The following ARID2 variants were observed in gnomAD, a reference collection of about 807,000 sequenced individuals.
The protein encoded by ARID2 is AT-rich interaction domain 2, also known as AT-rich interactive domain-containing protein 2.
Under a neutral mutation model 184.6 loss-of-function variants are expected in ARID2, and 32 were observed. That is an observed-to-expected ratio of 0.17 (90% CI 0.13 to 0.23). ARID2 has a LOEUF of 0.23. ARID2 is among the 10% of genes least tolerant of loss of function. The probability of loss-of-function intolerance (pLI) is 1.00; values close to 1 mark genes in which losing one functional copy is unlikely to be tolerated. For synonymous variants in ARID2, 836 were observed against 772.6 expected, an observed-to-expected ratio of 1.08 and a Z score of -1.36; for missense variants, 1,696 against 2,197.6, an observed-to-expected ratio of 0.77 and a Z score of 4.56.
Position 45,851,329 on chromosome 12 carries a change from G to T in ARID2, c.3206G>T (p.Gly1069Val), listed in dbSNP as rs778465726. The change falls in exon 15 of 21, where the codon GGT becomes GTT. Residue 1069 changes from glycine to valine, a missense_variant. Physicochemically the swap from Gly to Val is moderately radical, Grantham distance 109. Coordinates refer to ENST00000334344, the MANE Select transcript of ARID2 (RefSeq NM_152641.4). ...LIKQLLLPKR[G>V]PSTPGGKLIL... ...AAACAGCTTCTGCTTCCGAAACGTG[G>T]TCCTTCAACACCAGGTGGTAAGCTT... 6.2e-7 allele frequency: 1 copy of T among 1,614,092 alleles called. No individual in the cohort carries two copies. The highest frequency in any genetic ancestry group is 1.1e-5 in the South Asian group (1 of 91,078).
chr12:45,731,088 A>G, intron 2 of ARID2, 129 bp from the exon 3 acceptor site: 1 of 673,846 alleles, frequency 1.5e-6, no homozygotes, highest in South Asian at 1.7e-5. Context: ...ACTCTTACCG[A>G]TCGATCCGAA....
chr12:45,847,317 G>A (rs763689447), intron 12 of ARID2, among the ~76,000 whole-genome samples: 5 of 151,954 alleles, frequency 3.3e-5, no homozygotes, highest in Admixed American at 3.3e-4. Flanking sequence ...CTGACCTTAA[G>A]AAAATAAAAG....
At chr12:45,899,649 TTGGTTATATATATATATATGGTTATATA>T (rs1359567825) in intron 20 of ARID2, among the ~76,000 whole-genome samples, 25 of 73,082 alleles carry the variant, frequency 3.4e-4, no homozygotes, top group African/African-American at 1.3e-3. Context: ...ATATATATAT[TTGGTTATATATATATATATGGTTATATA>T]TGGTTATATA....
Position 45,737,094 on chromosome 12 carries a change from A to G in ARID2, c.284+5780A>G, listed in dbSNP as rs144371050. ...ACTTGTGCTTGGATACTTTCTGTGT[A>G]TTCATTATGTTGTGAATTGATAATT... On this transcript the variant is annotated intron_variant, in intron 3 of 20. Coordinates refer to ENST00000334344, the MANE Select transcript of ARID2 (RefSeq NM_152641.4). 6.6e-5 allele frequency among the ~76,000 whole-genome samples: 10 copies of G among 152,314 alleles called. No homozygotes were observed. In the East Asian group the frequency reaches 1.9e-3, roughly 29 times the overall value.
At chr12:45,873,907 A>G (rs1007372815) in intron 16 of ARID2, 1 of 152,200 alleles carries the variant, frequency 6.6e-6, no homozygotes, top group African/African-American at 2.4e-5. Flanking sequence ...TAGTCATGTC[A>G]ATTTCTTAAA....
At chr12:45,760,204 T>C (rs1941648781) in intron 3 of ARID2, among the ~76,000 whole-genome samples, 1 of 152,178 alleles carries the variant, frequency 6.6e-6, no homozygotes, top group Admixed American at 6.5e-5. Flanking sequence ...CTCTATACTT[T>C]GTGTACAGAG....
intron 3 of ARID2, among the ~76,000 whole-genome samples, chr12:45,741,836 A>C (rs574885309): frequency 1.3e-5 from 2 of 152,290 alleles, no homozygotes; most frequent in Middle Eastern, 3.4e-3. Flanking sequence ...GCTCATTGCT[A>C]CTGGGTTATT....
At position 45,890,849 on chromosome 12, in the gene ARID2, GAGATCTTTGCTGT is replaced by G. The variant is rs1268323595; in HGVS notation, c.4923-923_4923-911del. On this transcript the variant is annotated intron_variant, in intron 16 of 20. Transcript: ENST00000334344. Reference sequence around the variant, plus strand: ...ACAGCCATAAAAAGTCAAATCCTAAGAGATCTTTGCTGTAGATCTTAAAGATATTGATTATGGC... The same window carrying G: ...ACAGCCATAAAAAGTCAAATCCTAAGAGATCTTAAAGATATTGATTATGGC... 3.9e-5 allele frequency among the ~76,000 whole-genome samples: 6 copies of G among 151,994 alleles called. No individual in the cohort carries two copies. In the South Asian group the frequency reaches 1.2e-3, roughly 32 times the overall value.
At chr12:45,846,770 AAT>A (rs1943449831) in intron 11 of ARID2, 84 bp from the exon 12 acceptor site, 1 of 1,209,742 alleles carries the variant, frequency 8.3e-7, no homozygotes, top group Non-Finnish European at 1.2e-6. Context: ...TCATTGTGTT[AAT>A]GGGTTCAATA....
intron 20 of ARID2, among the ~76,000 whole-genome samples, chr12:45,899,257 C>A (rs1944412361): frequency 1.1e-5 from 1 of 93,974 alleles, no homozygotes; most frequent in Admixed American, 1.6e-4. Context: ...GGCGAAAGAG[C>A]AAGACTCTGT....
intron 6 of ARID2, among the ~76,000 whole-genome samples, chr12:45,832,195 T>C (rs1014374317): frequency 6.6e-6 from 1 of 152,144 alleles, no homozygotes; most frequent in South Asian, 2.1e-4. Flanking sequence ...AAACTGTAGG[T>C]TTTAGGGTTT....
chr12:45,771,517 T>A (rs1029126872), intron 3 of ARID2, among the ~76,000 whole-genome samples: 4 of 149,672 alleles, frequency 2.7e-5, no homozygotes, highest in Admixed American at 1.3e-4. Context: ...AAAAAAAAAA[T>A]TTAAAACTAG....
rs144618071 is a variant in ARID2 at position 45,766,164 on chromosome 12, A to G, written c.284+34850A>G. On this transcript the variant is annotated intron_variant, in intron 3 of 20. Transcript: ENST00000334344. ...GTTATATATTGGATATGTTAGGCATATATTTAACTTTTTTTTTTTTTGAGA... is the reference window on the plus strand; with the variant it reads ...GTTATATATTGGATATGTTAGGCATGTATTTAACTTTTTTTTTTTTTGAGA... Among the ~76,000 whole-genome samples the G allele has an allele frequency of 5.4e-3, 825 of 151,972 alleles. 7 individuals are homozygous for G. Among genetic ancestry groups the G allele is most frequent in the African/African-American group, 0.019 (787 of 41,460 alleles).
chr12:45,856,059 CTTCTT>C (rs1565626710), intron 15 of ARID2, among the ~76,000 whole-genome samples: 3 of 128,568 alleles, frequency 2.3e-5, no homozygotes, highest in African/African-American at 2.9e-5. Context: ...CTTTTTCTTT[CTTCTT>C]TTCTTTTTTT....
chr12:45,850,474 C>T lies in ARID2; in HGVS notation c.2351C>T (p.Pro784Leu), dbSNP rs2138162306. Reference sequence around the variant, plus strand: ...CACACAGTGGTACCAGGACAGATCCCTTCAGGCACTCCTGTTACAGTAATT... The same window carrying T: ...CACACAGTGGTACCAGGACAGATCCTTTCAGGCACTCCTGTTACAGTAATT... Reference protein sequence around the residue: ...PLHTVVPGQIPSGTPVTVIQQ... With the variant: ...PLHTVVPGQILSGTPVTVIQQ... Residue 784 changes from proline to leucine, a missense_variant, in exon 15 of 21, where the codon CCT becomes CTT. Coordinates refer to ENST00000334344, the MANE Select transcript of ARID2 (RefSeq NM_152641.4). 1 of 1,614,014 alleles carries T rather than the reference C, an allele frequency of 6.2e-7. No homozygotes were observed. The highest frequency in any genetic ancestry group is 8.5e-7 in the Non-Finnish European group (1 of 1,179,960).
chr12:45,740,961 A>C (rs1941242214), intron 3 of ARID2, among the ~76,000 whole-genome samples: 1 of 152,124 alleles, frequency 6.6e-6, no homozygotes, highest in Admixed American at 6.5e-5. Flanking sequence ...TCCACTGTAA[A>C]GTTACCATTT....
At chr12:45,837,122 A>G (rs896147697) in intron 8 of ARID2, 131 bp downstream of exon 8, 20 of 1,277,356 alleles carry the variant, frequency 1.6e-5, no homozygotes, top group Non-Finnish European at 2.1e-5. Flanking sequence ...GTTGCTAAAA[A>G]TGGTGATGTA....
intron 16 of ARID2, among the ~76,000 whole-genome samples, chr12:45,878,378 T>C (rs1433098444): frequency 6.6e-6 from 1 of 152,200 alleles, no homozygotes; most frequent in Non-Finnish European, 1.5e-5. Context: ...GCTTTTGTTA[T>C]CACCCCACAG....
chr12:45,780,397 A>G (rs1252948191), intron 3 of ARID2, among the ~76,000 whole-genome samples: 1 of 152,104 alleles, frequency 6.6e-6, no homozygotes, highest in African/African-American at 2.4e-5. Context: ...TTTTCTGTAT[A>G]AGTTTTATTC....
Sources: allele counts gnomAD v4.1 joint callset (sites outside exome capture counted in the v4.1 genomes callset), GRCh38; gene constraint gnomAD v4.1.1; transcripts MANE v1.5; gene names NCBI Gene and HGNC (gene_info 2026-07-23, HGNC 2026-07-21).